The following KIRREL1 variants were observed in gnomAD, a reference collection of about 807,000 sequenced individuals.
KIRREL1 encodes the protein kirre like nephrin family adhesion molecule 1.
KIRREL1 carries 25 observed loss-of-function variants against 83.3 expected under a neutral mutation model. The observed-to-expected ratio is 0.30, with a 90% CI of 0.22 to 0.42. The LOEUF (loss-of-function observed/expected upper bound fraction) is 0.42, where lower values mean the gene tolerates loss of function less well. Ranked by LOEUF, KIRREL1 falls within the 10% of genes least tolerant of loss-of-function variation. KIRREL1 has a pLI of 1.00. For synonymous variants in KIRREL1, 388 were observed against 410.4 expected, an observed-to-expected ratio of 0.95 and a Z score of 0.66; for missense variants, 812 against 1,032.3, an observed-to-expected ratio of 0.79 and a Z score of 2.92.
At chr1:158,006,290 T>G (rs1659518222) in intron 1 of KIRREL1, among the ~76,000 whole-genome samples, 2 of 152,200 alleles carry the variant, frequency 1.3e-5, no homozygotes, top group Admixed American at 6.5e-5. Flanking sequence ...CACTTTGATT[T>G]CAAATACTCC....
At position 158,079,309 on chromosome 1, in the gene KIRREL1, TTTGGTTGGTTGG is replaced by T. The variant is rs552562690; in HGVS notation, c.352+1173_352+1184del. ...TACAAGGAAGGTTTTCTGTTGTTTG[TTTGGTTGGTTGG>T]TTGATTGGTTGGTGTTTTTTGAGAC... On this transcript the variant is annotated intron_variant, in intron 3 of 14. Coordinates refer to ENST00000359209, the MANE Select transcript of KIRREL1 (RefSeq NM_018240.7). 1.1e-4 allele frequency among the ~76,000 whole-genome samples: 17 copies of T among 152,170 alleles called. No homozygotes were observed. The East Asian group carries it at 3.1e-3, about 28-fold the overall frequency.
intron 1 of KIRREL1, among the ~76,000 whole-genome samples, chr1:158,026,528 C>T (rs1660177572): frequency 6.6e-6 from 1 of 152,176 alleles, no homozygotes; most frequent in Non-Finnish European, 1.5e-5. Context: ...TGAAGGGAGA[C>T]ATACTTGGTT....
At position 158,089,497 on chromosome 1, in the gene KIRREL1, C is replaced by T; in HGVS notation, c.1045-5C>T. 6.2e-7 allele frequency: 1 copy of T among 1,614,116 alleles called. No homozygotes were observed. Among genetic ancestry groups the T allele is most frequent in the Non-Finnish European group, 8.5e-7 (1 of 1,180,014 alleles). ...TCCCCACCCGAGGCTGCTCTCTCTG[C>T]CCAGGTCCTGAGTAACAGCAACCAG... On this transcript the variant is annotated splice_polypyrimidine_tract_variant and splice_region_variant and intron_variant, in intron 8 of 14. Transcript: ENST00000359209.
At position 158,096,633 on chromosome 1, in the gene KIRREL1, G is replaced by C. The variant is rs1226822766; in HGVS notation, c.*1513G>C. ...GAAGGGCACCGCAGGCATTACACAG[G>C]CCATTTCTCCTCCTCCATGTGCACG... On this transcript the variant is annotated 3_prime_UTR_variant, in exon 15 of 15. Transcript: ENST00000359209. The C allele has an allele frequency of 4.4e-6, 2 of 456,790 alleles. No homozygotes were observed. The highest frequency in any genetic ancestry group is 8.8e-6 in the Non-Finnish European group (2 of 226,988). 28.3% of individuals were successfully genotyped at this position (456,790 alleles called of 1,614,324 possible). A position where few individuals can be genotyped will look rare whatever the true frequency, so the allele number is the denominator to read the frequency against.
intron 1 of KIRREL1, among the ~76,000 whole-genome samples, chr1:158,015,602 T>G (rs560533169): frequency 6.6e-6 from 1 of 152,228 alleles, no homozygotes; most frequent in Non-Finnish European, 1.5e-5. Flanking sequence ...CATCACAGTG[T>G]CCTTTTATGA....
chr1:158,090,473 G>A (rs571068272), intron 10 of KIRREL1, among the ~76,000 whole-genome samples: 7 of 152,144 alleles, frequency 4.6e-5, no homozygotes, highest in African/African-American at 1.4e-4. Context: ...GCTAACTCCA[G>A]GGCTGCCCAG....
chr1:158,078,382 C>T (rs115253056), intron 3 of KIRREL1, among the ~76,000 whole-genome samples: 1,690 of 152,316 alleles, frequency 0.011, 22 homozygotes, highest in African/African-American at 0.038. Flanking sequence ...GCCAGTGCCT[C>T]GGCCACTCAG....
intron 1 of KIRREL1, among the ~76,000 whole-genome samples, chr1:158,026,979 C>G (rs943474186): frequency 6.6e-6 from 1 of 152,196 alleles, no homozygotes; most frequent in African/African-American, 2.4e-5. Flanking sequence ...AATCCTTTAG[C>G]AGACTTGGGC....
chr1:158,037,489 CAAAAAAAAAAA>C (rs759200504), intron 1 of KIRREL1, among the ~76,000 whole-genome samples: 2 of 44,040 alleles, frequency 4.5e-5, no homozygotes, highest in Non-Finnish European at 9.4e-5. Flanking sequence ...AAGACTCTGG[CAAAAAAAAAAA>C]AAAAAAAAAA....
intron 1 of KIRREL1, among the ~76,000 whole-genome samples, chr1:158,058,586 T>G (rs1451024786): frequency 1.3e-5 from 2 of 151,916 alleles, no homozygotes; most frequent in Non-Finnish European, 2.9e-5. Context: ...TTCTGACACC[T>G]AGGTTTCTGA....
chr1:158,088,418 C>G lies in KIRREL1; in HGVS notation c.1008C>G (p.Pro336=), dbSNP rs758963216. 7 of 1,606,964 alleles carry G rather than the reference C, an allele frequency of 4.4e-6. No individual in the cohort carries two copies. The East Asian group carries it at 1.1e-4, about 26-fold the overall frequency. The change falls in exon 8 of 15, where the codon CCC becomes CCG. Residue 336 remains proline, a synonymous_variant. Coordinates refer to ENST00000359209, the MANE Select transcript of KIRREL1 (RefSeq NM_018240.7). ...TLTCVWVGNP[P]LTLTWTKKDS... ...CCTGTGTCTGGGTTGGGAATCCCCC[C>G]CTCACTCTCACCTGGACCAAAAAGG...
intron 1 of KIRREL1, among the ~76,000 whole-genome samples, chr1:158,035,068 C>T (rs895342387): frequency 2.6e-5 from 4 of 152,118 alleles, no homozygotes; most frequent in Non-Finnish European, 5.9e-5. Flanking sequence ...TTTTCTTCCA[C>T]CTCTTTGGGT....
At chr1:158,084,131 AAAACAAAC>A (rs1006821458) in intron 3 of KIRREL1, among the ~76,000 whole-genome samples, 1 of 152,132 alleles carries the variant, frequency 6.6e-6, no homozygotes, top group African/African-American at 2.4e-5. Context: ...CTCCATCTCA[AAAACAAAC>A]AAACAAACAA....
At position 157,993,648 on chromosome 1, in the gene KIRREL1, C is replaced by CGCGGGCGGCGCACG. The variant is rs1659104200; in HGVS notation, c.-21_-20insCGCACGGCGGGCGG. 6.8e-7 allele frequency: 1 copy of CGCGGGCGGCGCACG among 1,467,492 alleles called. No individual in the cohort carries two copies. The allele number at this position is 1,467,492 out of a possible 1,614,324, so 90.9% of individuals were successfully genotyped here. On this transcript the variant is annotated 5_prime_UTR_variant, in exon 1 of 15. Coordinates refer to ENST00000359209, the MANE Select transcript of KIRREL1 (RefSeq NM_018240.7). Reference sequence around the variant, plus strand: ...TCGCTCGCCAACTCCGGGCCCCAGCCGCGGGCGGGCGCACGGCGGGCGGAC... The same window carrying CGCGGGCGGCGCACG: ...TCGCTCGCCAACTCCGGGCCCCAGCCGCGGGCGGCGCACGGCGGGCGGGCGCACGGCGGGCGGAC...
At chr1:158,066,025 T>C (rs1347795387) in intron 1 of KIRREL1, among the ~76,000 whole-genome samples, 1 of 151,944 alleles carries the variant, frequency 6.6e-6, no homozygotes, top group East Asian at 1.9e-4. Flanking sequence ...TTTTTTTTTG[T>C]TTCTTCTTTC....
At chr1:158,013,536 T>C (rs1659744873) in intron 1 of KIRREL1, among the ~76,000 whole-genome samples, 1 of 152,216 alleles carries the variant, frequency 6.6e-6, no homozygotes, top group South Asian at 2.1e-4. Flanking sequence ...TGCCCCACAG[T>C]AGCTCTGAGA....
chr1:158,073,831 T>A (rs927377223), intron 1 of KIRREL1, among the ~76,000 whole-genome samples: 1 of 152,178 alleles, frequency 6.6e-6, no homozygotes, highest in African/African-American at 2.4e-5. Flanking sequence ...TCATTCCAAG[T>A]GGACAAGGAG....
At chr1:158,011,839 G>A (rs530325474) in intron 1 of KIRREL1, among the ~76,000 whole-genome samples, 6 of 152,302 alleles carry the variant, frequency 3.9e-5, no homozygotes, top group South Asian at 2.1e-4. Context: ...GTAGTCACAC[G>A]CAGAAGCCTC....
chr1:158,097,907 TTGTC>T lies in KIRREL1; in HGVS notation c.*2790_*2793del, dbSNP rs1662394121. ...TAACTTTCTGTTCATTGCCCCCAAT[TTGTC>T]TGGCCTGTAAAATGAAGGGGGAGGG... On this transcript the variant is annotated 3_prime_UTR_variant, in exon 15 of 15. Transcript: ENST00000359209. 1 of 152,158 alleles carries T rather than the reference TTGTC, an allele frequency of 6.6e-6. No individual in the cohort carries two copies. Among genetic ancestry groups the T allele is most frequent in the African/African-American group, 2.4e-5 (1 of 41,420 alleles). 9.4% of individuals were successfully genotyped at this position (152,158 alleles called of 1,614,324 possible). A position where few individuals can be genotyped will look rare whatever the true frequency, so the allele number is the denominator to read the frequency against.
Sources: allele counts gnomAD v4.1 joint callset (sites outside exome capture counted in the v4.1 genomes callset), GRCh38; gene constraint gnomAD v4.1.1; transcripts MANE v1.5; gene names NCBI Gene and HGNC (gene_info 2026-07-23, HGNC 2026-07-21).